Variants in ANKRD12 observed in about 807,000 individuals in gnomAD.
The protein encoded by ANKRD12 is ankyrin repeat domain 12, also known as ankyrin repeat domain-containing protein 12.
In ANKRD12, 85 loss-of-function variants were observed where a neutral mutation model predicts 183.4. The observed-to-expected ratio is 0.46, with a 90% CI of 0.39 to 0.56. ANKRD12 has a LOEUF of 0.56. Among genes scored for constraint, ANKRD12 ranks in the 20% least tolerant of loss-of-function variants. The probability of loss-of-function intolerance (pLI) is 0.00; values close to 1 mark genes in which losing one functional copy is unlikely to be tolerated. For synonymous variants in ANKRD12, 914 were observed against 800.2 expected (o/e 1.14, Z -2.40); for missense variants, 2,405 against 2,357.1 (o/e 1.02, Z -0.42).
At chr18:9,237,316 A>T (rs1480610610) in intron 8 of ANKRD12, among the ~76,000 whole-genome samples, 4 of 152,212 alleles carry the variant, frequency 2.6e-5, no homozygotes, top group Non-Finnish European at 5.9e-5. Flanking sequence ...TCAAAGATTG[A>T]TGGTCACTGG....
chr18:9,253,013 T>C (rs943727819), intron 8 of ANKRD12, among the ~76,000 whole-genome samples: 1 of 152,158 alleles, frequency 6.6e-6, no homozygotes, highest in Non-Finnish European at 1.5e-5. Flanking sequence ...ATTATATATA[T>C]AAATGCATGT....
At chr18:9,233,411 G>T (rs1351139496) in intron 8 of ANKRD12, among the ~76,000 whole-genome samples, 1 of 151,774 alleles carries the variant, frequency 6.6e-6, no homozygotes, top group Non-Finnish European at 1.5e-5. Flanking sequence ...TTTCCCCCAG[G>T]ATTCTTGAAT....
At chr18:9,215,210 G>A (rs2036028183) in intron 6 of ANKRD12, among the ~76,000 whole-genome samples, 1 of 152,070 alleles carries the variant, frequency 6.6e-6, no homozygotes, top group African/African-American at 2.4e-5. Flanking sequence ...ACATTTATTA[G>A]TAAGGAAGAG....
chr18:9,246,811 A>C (rs2037990094), intron 8 of ANKRD12, among the ~76,000 whole-genome samples: 1 of 152,216 alleles, frequency 6.6e-6, no homozygotes, highest in South Asian at 2.1e-4. Context: ...TATGTCAGGC[A>C]CTTTACATAA....
intron 1 of ANKRD12, among the ~76,000 whole-genome samples, chr18:9,137,304 C>T (rs868690742): frequency 1.4e-5 from 2 of 146,334 alleles, no homozygotes; most frequent in South Asian, 2.1e-4. Flanking sequence ...CTGCGCGGGG[C>T]GGGGCGGGGG....
In ANKRD12 at chr18:9,211,713, T is replaced by C; in HGVS notation, c.581T>C (p.Ile194Thr). 5 of 1,613,848 alleles carry C rather than the reference T, an allele frequency of 3.1e-6. No homozygotes were observed. The highest frequency in any genetic ancestry group is 1.7e-4 in the Middle Eastern group (1 of 6,058). Reference sequence around the variant, plus strand: ...GAAACTCCTTTACACATGGCTGCTATTCGAGGAGATGTGAAACAAGTTAAA... The same window carrying C: ...GAAACTCCTTTACACATGGCTGCTACTCGAGGAGATGTGAAACAAGTTAAA... ...RGETPLHMAA[I>T]RGDVKQVKEL... The change falls in exon 6 of 13, where the codon ATT becomes ACT. Residue 194 changes from isoleucine to threonine, a missense_variant. Ile to Thr is a moderately conservative substitution (Grantham distance 89). Coordinates refer to ENST00000262126, the MANE Select transcript of ANKRD12 (RefSeq NM_015208.5).
chr18:9,271,005 T>C (rs1272045859), intron 10 of ANKRD12, among the ~76,000 whole-genome samples: 1 of 152,150 alleles, frequency 6.6e-6, no homozygotes, highest in Non-Finnish European at 1.5e-5. Context: ...CGGCCAGCTG[T>C]GTCATAGAAG....
At chr18:9,177,343 T>C (rs1249106150) in intron 1 of ANKRD12, among the ~76,000 whole-genome samples, 2 of 152,228 alleles carry the variant, frequency 1.3e-5, no homozygotes, top group Admixed American at 1.3e-4. Flanking sequence ...CAGCCACATA[T>C]GAGAGTTCCA....
chr18:9,259,388 C>T (rs2038832959), intron 9 of ANKRD12: 1 of 149,988 alleles, frequency 6.7e-6, no homozygotes, highest in Admixed American at 6.5e-5. Flanking sequence ...ACAACATAAA[C>T]ACATTTATGT....
At chr18:9,218,564 C>T (rs1012722407) in intron 7 of ANKRD12, among the ~76,000 whole-genome samples, 1 of 152,038 alleles carries the variant, frequency 6.6e-6, no homozygotes, top group African/African-American at 2.4e-5. Flanking sequence ...GGTTCTGTAG[C>T]CAGATCTAAA....
chr18:9,259,132 T>C (rs1278012258), intron 9 of ANKRD12, among the ~76,000 whole-genome samples: 1 of 152,260 alleles, frequency 6.6e-6, no homozygotes, highest in Non-Finnish European at 1.5e-5. Context: ...TAAGAAATTT[T>C]AGCCGAAATA....
At chr18:9,157,604 T>TATATATATATATATATATATGTA (rs1491418837) in intron 1 of ANKRD12, among the ~76,000 whole-genome samples, 2 of 45,932 alleles carry the variant, frequency 4.4e-5, no homozygotes, top group Non-Finnish European at 1.3e-4. Flanking sequence ...TATATATGTA[T>TATATATATATATATATATATGTA]TTTTTTTTTT....
intron 1 of ANKRD12, among the ~76,000 whole-genome samples, chr18:9,174,510 A>T (rs971404849): frequency 1.1e-4 from 16 of 152,114 alleles, no homozygotes; most frequent in African/African-American, 3.9e-4. Context: ...TCATGAGGGG[A>T]TCTCCTGATC....
At chr18:9,161,608 C>A (rs1389255725) in intron 1 of ANKRD12, among the ~76,000 whole-genome samples, 1 of 151,858 alleles carries the variant, frequency 6.6e-6, no homozygotes, top group Non-Finnish European at 1.5e-5. Flanking sequence ...GATCTGCTGA[C>A]CTTGTGATCC....
chr18:9,176,832 T>TA (rs1426897786), intron 1 of ANKRD12, among the ~76,000 whole-genome samples: 5 of 151,236 alleles, frequency 3.3e-5, no homozygotes, highest in East Asian at 1.9e-4. Context: ...TTATGCCATT[T>TA]AAAAAAAAAG....
intron 2 of ANKRD12, among the ~76,000 whole-genome samples, chr18:9,186,827 C>A (rs1042768574): frequency 6.7e-6 from 1 of 149,692 alleles, no homozygotes; most frequent in Non-Finnish European, 1.5e-5. Flanking sequence ...TCTCAGCTCA[C>A]TGCAAGCTCC....
chr18:9,169,126 T>A (rs1050429751), intron 1 of ANKRD12, among the ~76,000 whole-genome samples: 1 of 152,088 alleles, frequency 6.6e-6, no homozygotes, highest in African/African-American at 2.4e-5. Flanking sequence ...TGCTGAGGAG[T>A]GCTTTACTTC....
chr18:9,240,152 C>T (rs555817745), intron 8 of ANKRD12, among the ~76,000 whole-genome samples: 25 of 152,134 alleles, frequency 1.6e-4, no homozygotes, highest in Non-Finnish European at 3.4e-4. Context: ...TGCAGGTTTG[C>T]CTGTCTTTAT....
chr18:9,167,961 C>T (rs374975776), intron 1 of ANKRD12, among the ~76,000 whole-genome samples: 1 of 151,982 alleles, frequency 6.6e-6, no homozygotes, highest in African/African-American at 2.4e-5. Flanking sequence ...CCTTTTCTGC[C>T]TCTATTGAGA....
Sources: gnomAD v4.1 joint callset for allele counts (sites outside exome capture counted in the v4.1 genomes callset) on GRCh38, gnomAD v4.1.1 for gene constraint, MANE v1.5 for transcripts, NCBI Gene and HGNC (gene_info 2026-07-23, HGNC 2026-07-21) for gene names.